RBFOX1: variants seen among roughly 807,000 people sequenced by gnomAD.
The protein encoded by RBFOX1 is RNA binding fox-1 homolog 1.
RBFOX1 carries 8 observed loss-of-function variants against 57.7 expected under a neutral mutation model. That is an observed-to-expected ratio of 0.14 (90% CI 0.08 to 0.25). RBFOX1 has a LOEUF of 0.25. RBFOX1 is among the 10% of genes least tolerant of loss of function. RBFOX1 has a pLI of 1.00. For synonymous variants in RBFOX1, 326 were observed against 222.4 expected, an observed-to-expected ratio of 1.47 and a Z score of -4.15; for missense variants, 611 against 548.5, an observed-to-expected ratio of 1.11 and a Z score of -1.14.
chr16:5,673,535 A>T (rs1174175954), intron 3 of RBFOX1, among the ~76,000 whole-genome samples: 1 of 152,200 alleles, frequency 6.6e-6, no homozygotes, highest in Non-Finnish European at 1.5e-5. Context: ...CTAAAGGTTG[A>T]CGTCAGTGTC....
intron 3 of RBFOX1, among the ~76,000 whole-genome samples, chr16:6,821,629 A>C (rs2091318610): frequency 6.6e-6 from 1 of 152,202 alleles, no homozygotes; most frequent in African/African-American, 2.4e-5. Flanking sequence ...ATCTTACATA[A>C]ATCGTACAAC....
chr16:6,813,141 C>G (rs752125627), intron 3 of RBFOX1, among the ~76,000 whole-genome samples: 5 of 151,712 alleles, frequency 3.3e-5, no homozygotes, highest in Non-Finnish European at 7.4e-5. Flanking sequence ...TCAGGCCTCA[C>G]CTTTGTATGG....
chr16:7,262,646 C>G (rs1465054767), intron 4 of RBFOX1, among the ~76,000 whole-genome samples: 3 of 152,348 alleles, frequency 2.0e-5, no homozygotes, highest in East Asian at 1.9e-4. Context: ...ATAGCTGTCT[C>G]AAATACAATC....
intron 3 of RBFOX1, among the ~76,000 whole-genome samples, chr16:6,659,576 T>G (rs1375786314): frequency 6.6e-6 from 1 of 152,178 alleles, no homozygotes; most frequent in Non-Finnish European, 1.5e-5. Flanking sequence ...TTTAAGTGAC[T>G]TGCCTGAGAT....
intron 4 of RBFOX1, among the ~76,000 whole-genome samples, chr16:7,503,565 T>C (rs1261596515): frequency 1.3e-5 from 2 of 152,342 alleles, no homozygotes; most frequent in Non-Finnish European, 1.5e-5. Context: ...TAAATTTATC[T>C]TGAATGTGAA....
At chr16:5,920,119 A>G (rs1188819063) in intron 4 of RBFOX1, among the ~76,000 whole-genome samples, 1 of 152,102 alleles carries the variant, frequency 6.6e-6, no homozygotes, top group Admixed American at 6.5e-5. Flanking sequence ...ATTTTTTGGT[A>G]GAGACGGGAT....
intron 4 of RBFOX1, among the ~76,000 whole-genome samples, chr16:7,452,657 A>T (rs961065634): frequency 2.6e-5 from 4 of 152,172 alleles, no homozygotes; most frequent in Non-Finnish European, 4.4e-5. Flanking sequence ...GAACAAAAAG[A>T]TGTATAGGCT....
At chr16:7,197,998 CTTTTTTTTTTTTTT>C (rs945404947) in intron 4 of RBFOX1, among the ~76,000 whole-genome samples, 4 of 55,592 alleles carry the variant, frequency 7.2e-5, no homozygotes, top group Non-Finnish European at 1.3e-4. Context: ...TTCTTTCTTT[CTTTTTTTTTTTTTT>C]TTTTTTTTTT....
At chr16:7,000,073 G>GAA (rs58878438) in intron 3 of RBFOX1, among the ~76,000 whole-genome samples, 5,959 of 134,754 alleles carry the variant, frequency 0.044, 141 homozygotes, top group Admixed American at 0.072. Flanking sequence ...CTGTTTCAAA[G>GAA]AAAAAAAAAA....
At chr16:7,102,833 A>T (rs536097314) in intron 4 of RBFOX1, among the ~76,000 whole-genome samples, 3 of 152,148 alleles carry the variant, frequency 2.0e-5, no homozygotes, top group African/African-American at 7.2e-5. Context: ...AGATTAGAAA[A>T]CACAGCCTAA....
At chr16:5,873,287 C>G (rs976022301) in intron 4 of RBFOX1, among the ~76,000 whole-genome samples, 13 of 152,154 alleles carry the variant, frequency 8.5e-5, no homozygotes, top group South Asian at 2.1e-4. Flanking sequence ...CTGCCCTAAC[C>G]AGACAGAAGT....
intron 3 of RBFOX1, among the ~76,000 whole-genome samples, chr16:6,659,341 G>A (rs2098686572): frequency 6.6e-6 from 1 of 151,396 alleles, no homozygotes; most frequent in Non-Finnish European, 1.5e-5. Context: ...AGGAGTTTGA[G>A]TGGTTTTCCA....
chr16:6,439,299 C>T (rs368365641), intron 2 of RBFOX1, among the ~76,000 whole-genome samples: 12 of 152,166 alleles, frequency 7.9e-5, no homozygotes, highest in East Asian at 1.9e-4. Context: ...TAATCAAACA[C>T]CATCCACCCA....
At chr16:5,975,553 C>G (rs1257761311) in intron 4 of RBFOX1, among the ~76,000 whole-genome samples, 1 of 152,158 alleles carries the variant, frequency 6.6e-6, no homozygotes, top group African/African-American at 2.4e-5. Flanking sequence ...AAGCTGTTTT[C>G]ACAGGCACTG....
At chr16:5,447,565 T>C (rs1425645421) in intron 1 of RBFOX1, among the ~76,000 whole-genome samples, 2 of 152,018 alleles carry the variant, frequency 1.3e-5, no homozygotes, top group Admixed American at 1.3e-4. Flanking sequence ...GCCCCCCTAA[T>C]TTTTGTATTT....
chr16:5,939,981 G>A (rs1010093882), intron 4 of RBFOX1, among the ~76,000 whole-genome samples: 1 of 152,192 alleles, frequency 6.6e-6, no homozygotes, highest in African/African-American at 2.4e-5. Context: ...TACCCTCTCT[G>A]AGCTTCAGAT....
intron 3 of RBFOX1, among the ~76,000 whole-genome samples, chr16:6,776,303 CG>C (rs772297861): frequency 6.6e-6 from 1 of 151,848 alleles, no homozygotes; most frequent in African/African-American, 2.4e-5. Context: ...CCCAGCTACT[CG>C]GGGGGCTGAG....
chr16:7,333,627 A>T (rs2096732168), intron 4 of RBFOX1, among the ~76,000 whole-genome samples: 2 of 152,210 alleles, frequency 1.3e-5, no homozygotes, highest in African/African-American at 4.8e-5. Context: ...AAGCTCAGAG[A>T]TTATTCTAGG....
At chr16:6,668,239 G>C (rs1256200507) in intron 3 of RBFOX1, among the ~76,000 whole-genome samples, 2 of 152,196 alleles carry the variant, frequency 1.3e-5, no homozygotes, top group East Asian at 1.9e-4. Flanking sequence ...AGAACACCTT[G>C]TTGATGAGGA....
Sources: gnomAD v4.1 joint callset for allele counts (sites outside exome capture counted in the v4.1 genomes callset) on GRCh38, gnomAD v4.1.1 for gene constraint, MANE v1.5 for transcripts, NCBI Gene and HGNC (gene_info 2026-07-23, HGNC 2026-07-21) for gene names.